Variants in SMYD3 observed in about 807,000 individuals in gnomAD.
SMYD3 encodes SET and MYND domain containing 3, also known as histone-lysine N-methyltransferase SMYD3.
A neutral mutation model predicts 57.7 loss-of-function variants in SMYD3; 36 were observed. That is an observed-to-expected ratio of 0.62 (90% CI 0.48 to 0.82). The LOEUF (loss-of-function observed/expected upper bound fraction) is 0.82, where lower values mean the gene tolerates loss of function less well. Ranked by LOEUF, SMYD3 falls within the 40% of genes least tolerant of loss-of-function variation. SMYD3 has a pLI of 0.00. For missense variants in SMYD3, 515 were observed against 538.8 expected (o/e 0.96, Z 0.44); for synonymous variants, 211 against 195.0 (o/e 1.08, Z -0.68).
chr1:246,372,169 A>G (rs923298608), intron 1 of SMYD3, among the ~76,000 whole-genome samples: 4 of 152,210 alleles, frequency 2.6e-5, no homozygotes, highest in African/African-American at 9.7e-5. Flanking sequence ...ATTCTCATCG[A>G]TTTTTATTAA....
chr1:246,477,752 A>G (rs1034833444), intron 1 of SMYD3, among the ~76,000 whole-genome samples: 2 of 152,250 alleles, frequency 1.3e-5, no homozygotes, highest in African/African-American at 4.8e-5. Flanking sequence ...ATCAGACTCC[A>G]ATGCCCAGGG....
intron 10 of SMYD3, among the ~76,000 whole-genome samples, chr1:245,856,789 C>T (rs962779852): frequency 5.3e-5 from 8 of 152,120 alleles, no homozygotes; most frequent in African/African-American, 1.7e-4. Flanking sequence ...ATCAGTGCAG[C>T]GCTAGCCAAG....
intron 5 of SMYD3, among the ~76,000 whole-genome samples, chr1:246,081,648 C>A (rs1220106705): frequency 2.0e-5 from 3 of 152,212 alleles, no homozygotes; most frequent in Non-Finnish European, 4.4e-5. Context: ...CCTGCCTTGG[C>A]CTCTGAAAGT....
At chr1:246,063,800 T>C (rs6666355) in intron 5 of SMYD3, among the ~76,000 whole-genome samples, 124,800 of 151,960 alleles carry the variant, frequency 0.82, 51,782 homozygotes, top group Admixed American at 0.89. Flanking sequence ...CCACCATGCC[T>C]GGCTAATTTT....
At chr1:246,427,407 C>G (rs1319218197) in intron 1 of SMYD3, among the ~76,000 whole-genome samples, 1 of 150,512 alleles carries the variant, frequency 6.6e-6, no homozygotes, top group Non-Finnish European at 1.5e-5. Context: ...GTAGTCCCAG[C>G]TACTCGGGAG....
At chr1:246,405,286 T>C (rs2066842926) in intron 1 of SMYD3, among the ~76,000 whole-genome samples, 1 of 152,152 alleles carries the variant, frequency 6.6e-6, no homozygotes, top group Admixed American at 6.6e-5. Context: ...ATACACAATG[T>C]GTAATGATCA....
intron 1 of SMYD3, among the ~76,000 whole-genome samples, chr1:246,447,372 A>C (rs2067564242): frequency 1.3e-5 from 2 of 152,382 alleles, no homozygotes; most frequent in Middle Eastern, 3.4e-3. Context: ...TAATACAAAT[A>C]ATCAACTTCT....
At chr1:245,977,005 C>T (rs141585902) in intron 5 of SMYD3, among the ~76,000 whole-genome samples, 330 of 31,810 alleles carry the variant, frequency 0.01, 61 homozygotes, top group Middle Eastern at 0.033. Flanking sequence ...GTCTCTAGCC[C>T]AGGGAAAGCC....
chr1:245,917,431 C>T (rs780237940), intron 7 of SMYD3, among the ~76,000 whole-genome samples: 2 of 152,210 alleles, frequency 1.3e-5, no homozygotes, highest in Non-Finnish European at 2.9e-5. Flanking sequence ...GGTAGAGAAG[C>T]AATGGCTTCA....
At chr1:246,476,288 A>G (rs919212991) in intron 1 of SMYD3, among the ~76,000 whole-genome samples, 5 of 152,190 alleles carry the variant, frequency 3.3e-5, no homozygotes, top group Admixed American at 6.5e-5. Flanking sequence ...TACTTGCCCA[A>G]TGTCACAAAG....
intron 8 of SMYD3, among the ~76,000 whole-genome samples, chr1:245,894,697 A>G (rs898711215): frequency 2.0e-5 from 3 of 152,162 alleles, no homozygotes; most frequent in Non-Finnish European, 4.4e-5. Context: ...CTTCCTGAAC[A>G]CTACTGCGTA....
chr1:246,079,850 T>C (rs1350596039), intron 5 of SMYD3, among the ~76,000 whole-genome samples: 1 of 152,228 alleles, frequency 6.6e-6, no homozygotes, highest in Non-Finnish European at 1.5e-5. Context: ...AATGTTGGTA[T>C]TAATTTTAAA....
At chr1:246,414,308 T>C (rs1253757791) in intron 1 of SMYD3, among the ~76,000 whole-genome samples, 4 of 152,218 alleles carry the variant, frequency 2.6e-5, no homozygotes, top group African/African-American at 9.6e-5. Context: ...CATTTTTAAA[T>C]GTTAAAGATT....
chr1:246,194,562 C>T (rs375923896), intron 5 of SMYD3, among the ~76,000 whole-genome samples: 2 of 152,128 alleles, frequency 1.3e-5, no homozygotes, highest in East Asian at 1.9e-4. Flanking sequence ...CCACTGCACC[C>T]GGCTGCATGC....
rs1395821777 is a variant in SMYD3 at position 246,202,977 on chromosome 1, T to G, written c.531+124224A>C. On this transcript the variant is annotated intron_variant, in intron 5 of 11. Coordinates refer to ENST00000490107, the MANE Select transcript of SMYD3 (RefSeq NM_001167740.2). The surrounding 1 kb of genome is among the most constrained non-coding windows in gnomAD (Gnocchi z 4.1). The stretch of plus-strand genomic sequence containing the variant: ...CCGTCTCTACTAAAAATACAAAATT[T>G]AGCTGGTCGTGGTGGTGGGCGCCTA... 2.0e-5 allele frequency among the ~76,000 whole-genome samples: 3 copies of G among 151,922 alleles called. No individual in the cohort carries two copies. The highest frequency in any genetic ancestry group is 7.3e-5 in the African/African-American group (3 of 41,362).
At chr1:246,167,905 A>T (rs1035606183) in intron 5 of SMYD3, among the ~76,000 whole-genome samples, 1 of 152,192 alleles carries the variant, frequency 6.6e-6, no homozygotes, top group Non-Finnish European at 1.5e-5. Context: ...CTTTGGAGAA[A>T]GGTCTATTCA....
chr1:245,873,140 A>G (rs1462653351), intron 8 of SMYD3, among the ~76,000 whole-genome samples: 1 of 152,254 alleles, frequency 6.6e-6, no homozygotes, highest in Non-Finnish European at 1.5e-5. Context: ...GTAGAAAACT[A>G]GCATGATGGG....
At chr1:246,033,216 T>TA (rs369941936) in intron 5 of SMYD3, among the ~76,000 whole-genome samples, 1,570 of 145,714 alleles carry the variant, frequency 0.011, 22 homozygotes, top group African/African-American at 0.036. Context: ...TAATTGGTAA[T>TA]AAAAAAAAAA....
At chr1:246,268,664 A>G (rs1052020582) in intron 5 of SMYD3, among the ~76,000 whole-genome samples, 10 of 152,134 alleles carry the variant, frequency 6.6e-5, no homozygotes, top group African/African-American at 2.2e-4. Flanking sequence ...AGATCTCGCC[A>G]CTGCACACCA....
Sources: gnomAD v4.1 joint callset for allele counts (sites outside exome capture counted in the v4.1 genomes callset) on GRCh38, gnomAD v4.1.1 for gene constraint, Gnocchi (gnomAD v3.1) non-coding constraint, MANE v1.5 for transcripts, NCBI Gene and HGNC (gene_info 2026-07-23, HGNC 2026-07-21) for gene names.